The following LSS variants were observed in gnomAD, a reference collection of about 807,000 sequenced individuals.
The protein encoded by LSS is lanosterol synthase.
Under a neutral mutation model 110.3 loss-of-function variants are expected in LSS, and 90 were observed. The observed-to-expected ratio is 0.82, with a 90% CI of 0.69 to 0.97. The LOEUF is 0.97. Ranked by LOEUF, LSS falls within the 50% of genes least tolerant of loss-of-function variation. The pLI is 0.00. For missense variants in LSS, 927 were observed against 990.0 expected, an observed-to-expected ratio of 0.94 and a Z score of 0.85; for synonymous variants, 433 against 400.0, an observed-to-expected ratio of 1.08 and a Z score of -0.98.
chr21:46,228,753 G>T lies in LSS; in HGVS notation c.-8C>A, dbSNP rs1276775499. On this transcript the variant is annotated 5_prime_UTR_variant, in exon 1 of 22. Coordinates refer to ENST00000397728, the MANE Select transcript of LSS (RefSeq NM_002340.6). ...TCACGTGCCCTCCGTCATTGCTGCT[G>T]CAGTGCTCTACGCCGCCCACTGCCA... is the stretch of plus-strand genomic sequence containing the variant. The T allele has an allele frequency of 6.3e-7, 1 of 1,593,018 alleles. No homozygotes were observed. Among genetic ancestry groups the T allele is most frequent in the African/African-American group, 1.4e-5 (1 of 74,054 alleles).
intron 18 of LSS, 61 bp from the exon 19 acceptor site, chr21:46,195,817 A>C (rs188810256): frequency 1.4e-6 from 2 of 1,380,092 alleles, no homozygotes; most frequent in East Asian, 2.3e-5. Flanking sequence ...TGTGTGAAAC[A>C]ACACGCATTC....
chr21:46,209,950 C>G lies in LSS; in HGVS notation c.1195-325G>C, dbSNP rs2080106781. Among the ~76,000 whole-genome samples the G allele has an allele frequency of 6.6e-6, 1 of 152,154 alleles. No individual in the cohort carries two copies. Among genetic ancestry groups the G allele is most frequent in the Non-Finnish European group, 1.5e-5 (1 of 68,018 alleles). On this transcript the variant is annotated intron_variant, in intron 12 of 21. Transcript: ENST00000397728. The surrounding 1 kb of genome is among the most constrained non-coding windows in gnomAD (Gnocchi z 4.4). The stretch of plus-strand genomic sequence containing the variant: ...CCTTTGCGTGGCCCAGCCCTCAGGG[C>G]TCTCCAGAAACACCTTCAGAATCCC...
intron 2 of LSS, 33 bp downstream of exon 2, chr21:46,228,401 C>T (rs2080383569): frequency 6.3e-7 from 1 of 1,597,138 alleles, no homozygotes; most frequent in Non-Finnish European, 8.5e-7. Context: ...CTCAGGGTCC[C>T]GAGCTCGCTG....
intron 20 of LSS, chr21:46,192,167 C>T (rs1760736145): frequency 1.6e-6 from 1 of 613,604 alleles, no homozygotes. Flanking sequence ...GAAGCGGAGC[C>T]ACAGCAATGA....
intron 13 of LSS, 30 bp from the exon 14 acceptor site, chr21:46,208,331 C>G: frequency 6.5e-7 from 1 of 1,545,318 alleles, no homozygotes; most frequent in Middle Eastern, 1.7e-4. Flanking sequence ...AATGTGGAAG[C>G]AGAGAACACG....
chr21:46,228,442 G>A lies in LSS; in HGVS notation c.172C>T (p.Leu58=). 1.2e-6 allele frequency: 2 copies of A among 1,603,026 alleles called. No homozygotes were observed. Among genetic ancestry groups the A allele is most frequent in the South Asian group, 1.1e-5 (1 of 91,042 alleles). Residue 58 remains leucine (L), a synonymous_variant, in exon 2 of 22, where the codon CTG becomes TTG. Transcript: ENST00000397728. ...CCGCGGAAGCAACTTACGGTGTCCAGCCCCAGGGCGTAGGCTTCCAGGCCG... is the reference window on the plus strand; with the variant it reads ...CCGCGGAAGCAACTTACGGTGTCCAACCCCAGGGCGTAGGCTTCCAGGCCG... The part of the protein sequence containing the change: ...QTGLEAYALG[L]DTKNYFKDLP...
rs375796528 is a variant in LSS at position 46,215,129 on chromosome 21, C to T, written c.1011+51G>A. 28 of 1,498,484 alleles carry T rather than the reference C, an allele frequency of 1.9e-5. No individual in the cohort carries two copies. The African/African-American group carries it at 2.3e-4, about 13-fold the overall frequency. The allele number at this position is 1,498,484 out of a possible 1,614,324, so 92.8% of individuals were successfully genotyped here. On this transcript the variant is annotated intron_variant, in intron 9 of 21. Coordinates refer to ENST00000397728, the MANE Select transcript of LSS (RefSeq NM_002340.6). ...AGCCCGGCCTCTAGGACTTCACTTT[C>T]GGACCTCAACCCCCAGGGGCTGCAG...
intron 12 of LSS, among the ~76,000 whole-genome samples, chr21:46,210,060 G>A (rs541953512): frequency 1.8e-4 from 23 of 127,322 alleles, no homozygotes; most frequent in African/African-American, 6.6e-4. Flanking sequence ...AACAGTTCCA[G>A]TTCTTTTTTT....
chr21:46,199,498 A>T (rs1195408397), intron 17 of LSS, among the ~76,000 whole-genome samples: 1 of 152,212 alleles, frequency 6.6e-6, no homozygotes, highest in Non-Finnish European at 1.5e-5. Context: ...GGATCCCGCA[A>T]TCATGCTTCT....
At chr21:46,206,849 A>C (rs1010586622) in intron 15 of LSS, 81 bp from the exon 16 acceptor site, 14 of 985,330 alleles carry the variant, frequency 1.4e-5, no homozygotes, top group Non-Finnish European at 2.2e-5. Flanking sequence ...AACTCTCTAG[A>C]GGCAACACTA....
At chr21:46,226,098 T>C (rs113850261) in intron 3 of LSS, among the ~76,000 whole-genome samples, 1 of 150,480 alleles carries the variant, frequency 6.6e-6, no homozygotes, top group African/African-American at 2.4e-5. Context: ...ATTGTGCCAT[T>C]GCACTCCAGC....
At position 46,227,648 on chromosome 21, in the gene LSS, C is replaced by T; in HGVS notation, c.223G>A (p.Glu75Lys). Residue 75 changes from glutamate (E) to lysine (K), a missense_variant, in exon 3 of 22, where the codon GAG becomes AAG. Transcript: ENST00000397728. Reference sequence around the variant, plus strand: ...AATGTCATCCCGTTCAGAGCCCCCTCAAAGGCGGTGTGGGCTTTGGGCAAG... The same window carrying T: ...AATGTCATCCCGTTCAGAGCCCCCTTAAAGGCGGTGTGGGCTTTGGGCAAG... ...KDLPKAHTAFEGALNGMTFYV... is the reference protein window; with the variant it reads ...KDLPKAHTAFKGALNGMTFYV... 6.2e-7 allele frequency: 1 copy of T among 1,613,586 alleles called. No homozygotes were observed. Among genetic ancestry groups the T allele is most frequent in the South Asian group, 1.1e-5 (1 of 91,054 alleles).
chr21:46,196,565 T>G (rs1235953544), intron 17 of LSS, among the ~76,000 whole-genome samples: 1 of 152,116 alleles, frequency 6.6e-6, no homozygotes, highest in Non-Finnish European at 1.5e-5. Context: ...TGACCCAGGC[T>G]TGAGCAAACC....
At chr21:46,207,626 T>C in intron 14 of LSS, 49 bp from the exon 15 acceptor site, 1 of 1,580,934 alleles carries the variant, frequency 6.3e-7, no homozygotes. Context: ...CACACCCCAG[T>C]TCTCAGAACC....
At chr21:46,206,538 G>T in intron 16 of LSS, 134 bp downstream of exon 16, 1 of 738,538 alleles carries the variant, frequency 1.4e-6, no homozygotes, top group Non-Finnish European at 2.3e-6. Context: ...CTGAGGGAGG[G>T]CTCCAGACAG....
intron 5 of LSS, among the ~76,000 whole-genome samples, chr21:46,220,716 CAGGGCCTAT>C (rs2080265569): frequency 6.6e-6 from 1 of 152,078 alleles, no homozygotes; most frequent in African/African-American, 2.4e-5. Flanking sequence ...AATTGCCCCT[CAGGGCCTAT>C]AGGCAAGAGG....
In LSS at chr21:46,208,247, A is replaced by G. The variant is rs1005796011; in HGVS notation, c.1317+4T>C. The G allele has an allele frequency of 1.4e-5, 21 of 1,552,034 alleles. No individual in the cohort carries two copies. The highest frequency in any genetic ancestry group is 2.0e-5 in the Admixed American group (1 of 51,046). Reference sequence around the variant, plus strand: ...GGACAGGGATGGGGCTGGCTCCCGCATACCTTGCGCATCTGGCGGTAGTAC... The same window carrying G: ...GGACAGGGATGGGGCTGGCTCCCGCGTACCTTGCGCATCTGGCGGTAGTAC... On this transcript the variant is annotated splice_donor_region_variant and intron_variant, in intron 14 of 21. Coordinates refer to ENST00000397728, the MANE Select transcript of LSS (RefSeq NM_002340.6).
chr21:46,208,520 G>C (rs1329354657), intron 13 of LSS, among the ~76,000 whole-genome samples: 1 of 152,328 alleles, frequency 6.6e-6, no homozygotes, highest in Non-Finnish European at 1.5e-5. Flanking sequence ...TGACTGGCCA[G>C]CGAGGGCTCA....
Position 46,188,765 on chromosome 21 carries a change from C to T in LSS, c.*2339G>A, listed in dbSNP as rs1569011076. 1 of 471,330 alleles carries T rather than the reference C, an allele frequency of 2.1e-6. No individual in the cohort carries two copies. Among genetic ancestry groups the T allele is most frequent in the South Asian group, 1.5e-5 (1 of 64,576 alleles). The allele number at this position is 471,330 out of a possible 1,614,324, so 29.2% of individuals were successfully genotyped here. On this transcript the variant is annotated 3_prime_UTR_variant, in exon 22 of 22. Coordinates refer to ENST00000397728, the MANE Select transcript of LSS (RefSeq NM_002340.6). ...AGGGATACTGACACTGAAGTCCTGC[C>T]TGTGTAATAACACCGAAGAGGGCAG...
Sources: gnomAD v4.1 joint callset for allele counts (sites outside exome capture counted in the v4.1 genomes callset) on GRCh38, gnomAD v4.1.1 for gene constraint, Gnocchi (gnomAD v3.1) non-coding constraint, MANE v1.5 for transcripts, NCBI Gene and HGNC (gene_info 2026-07-23, HGNC 2026-07-21) for gene names.